Variants in EBPL observed in about 807,000 individuals in gnomAD.
EBPL encodes the protein emopamil-binding protein-like.
EBPL carries 20 observed loss-of-function variants against 19.0 expected under a neutral mutation model. That is an observed-to-expected ratio of 1.05 (90% confidence interval 0.74 to 1.53). The LOEUF (loss-of-function observed/expected upper bound fraction) is 1.53, where lower values mean the gene tolerates loss of function less well. Among genes scored for constraint, EBPL ranks in the 40% most tolerant of loss-of-function variants. The probability of loss-of-function intolerance (pLI) is 0.00; values close to 1 mark genes in which losing one functional copy is unlikely to be tolerated. For missense variants in EBPL, 219 were observed against 261.1 expected (o/e 0.84, Z 1.11); for synonymous variants, 107 against 117.0 (o/e 0.91, Z 0.55).
chr13:49,678,284 G>T lies in EBPL; in HGVS notation c.172-8438C>A, dbSNP rs966739184. Among the ~76,000 whole-genome samples the T allele has an allele frequency of 4.6e-5, 7 of 152,200 alleles. No individual in the cohort carries two copies. In the East Asian group the frequency reaches 1.4e-3, roughly 29 times the overall value. The stretch of plus-strand genomic sequence containing the variant: ...CAGCTGGCTTCCCCTAGTGGATCCC[G>T]CACCAGGGCCGTGGGCAGAGCTACC... On this transcript the variant is annotated intron_variant, in intron 1 of 3. Coordinates refer to ENST00000242827, the MANE Select transcript of EBPL (RefSeq NM_032565.5).
intron 2 of EBPL, among the ~76,000 whole-genome samples, chr13:49,667,445 C>T (rs1009025688): frequency 3.5e-4 from 53 of 152,160 alleles, no homozygotes; most frequent in Admixed American, 5.9e-4. Flanking sequence ...TTATGGCTGG[C>T]CCTGCATCCC....
Position 49,663,161 on chromosome 13 carries a change from A to C in EBPL, c.276T>G (p.Val92=), listed in dbSNP as rs781178537. Residue 92 remains valine, a synonymous_variant, in exon 3 of 4, where the codon GTT becomes GTG. Coordinates refer to ENST00000242827, the MANE Select transcript of EBPL (RefSeq NM_032565.5). ...KEYGKADARW[V]YFDPTIVSVE... ...CAGACACAATGGTTGGATCAAAATA[A>C]ACCCATCTTGCATCAGCTTTGCCAT... The C allele has an allele frequency of 1.9e-6, 3 of 1,614,208 alleles. No homozygotes were observed. The Admixed American group carries it at 5.0e-5, about 27-fold the overall frequency.
At chr13:49,686,614 A>G (rs1954001666) in intron 1 of EBPL, 1 of 1,288,458 alleles carries the variant, frequency 7.8e-7, no homozygotes, top group African/African-American at 1.5e-5. Context: ...GATATTTTAA[A>G]AGATTCTGCT....
chr13:49,689,358 T>C (rs1295789978), intron 1 of EBPL, among the ~76,000 whole-genome samples: 1 of 152,186 alleles, frequency 6.6e-6, no homozygotes, highest in Non-Finnish European at 1.5e-5. Context: ...ACATTTTTCT[T>C]TTTTTTCCCA....
intron 2 of EBPL, among the ~76,000 whole-genome samples, chr13:49,666,730 A>G (rs1324714818): frequency 6.7e-6 from 1 of 150,314 alleles, no homozygotes; most frequent in East Asian, 1.9e-4. Context: ...AAAAAAAAAA[A>G]AAAACAAAAA....
At chr13:49,678,759 G>C (rs1215457245) in intron 1 of EBPL, among the ~76,000 whole-genome samples, 1 of 152,158 alleles carries the variant, frequency 6.6e-6, no homozygotes, top group Non-Finnish European at 1.5e-5. Flanking sequence ...GGCTCCTCAA[G>C]CATGGCCAGA....
chr13:49,669,980 A>G, intron 1 of EBPL, 134 bp from the exon 2 acceptor site: 1 of 693,816 alleles, frequency 1.4e-6, no homozygotes, highest in Non-Finnish European at 2.5e-6. Context: ...GCCTGGAAAC[A>G]TCCATACAAC....
At chr13:49,683,213 GA>G (rs1953960756) in intron 1 of EBPL, among the ~76,000 whole-genome samples, 1 of 151,824 alleles carries the variant, frequency 6.6e-6, no homozygotes, top group African/African-American at 2.4e-5. Context: ...AACCTCAGGT[GA>G]TCCGCCCGCC....
chr13:49,683,138 T>G (rs1429966563), intron 1 of EBPL, among the ~76,000 whole-genome samples: 4 of 152,028 alleles, frequency 2.6e-5, no homozygotes, highest in Non-Finnish European at 5.9e-5. Context: ...CACGCCTGGC[T>G]AATTTTTTGC....
chr13:49,666,711 C>CAAAAAAAAAA (rs35086927), intron 2 of EBPL, among the ~76,000 whole-genome samples: 4 of 81,012 alleles, frequency 4.9e-5, no homozygotes, highest in Admixed American at 1.6e-4. Context: ...GACTCCGTCT[C>CAAAAAAAAAA]AAAAAAAAAA....
intron 1 of EBPL, among the ~76,000 whole-genome samples, chr13:49,676,047 T>A (rs574053510): frequency 3.4e-4 from 52 of 152,266 alleles, no homozygotes; most frequent in African/African-American, 1.3e-3. Flanking sequence ...ACCTTTGAGG[T>A]TTTTTTTAAT....
chr13:49,687,260 C>T (rs968147094), intron 1 of EBPL, among the ~76,000 whole-genome samples: 1 of 152,194 alleles, frequency 6.6e-6, no homozygotes, highest in African/African-American at 2.4e-5. Flanking sequence ...TGACTTACCA[C>T]ATTCTCCCCT....
chr13:49,666,566 G>T (rs1249245307), intron 2 of EBPL, among the ~76,000 whole-genome samples: 1 of 151,988 alleles, frequency 6.6e-6, no homozygotes, highest in Non-Finnish European at 1.5e-5. Context: ...CAAAAAATTA[G>T]CCAGGCGTGG....
chr13:49,684,982 T>C (rs1272876357), intron 1 of EBPL, among the ~76,000 whole-genome samples: 1 of 152,188 alleles, frequency 6.6e-6, no homozygotes, highest in African/African-American at 2.4e-5. Flanking sequence ...CTCAGCTCAC[T>C]GCAAACTCTG....
chr13:49,668,191 T>A (rs994929164), intron 2 of EBPL: 6 of 155,122 alleles, frequency 3.9e-5, no homozygotes, highest in African/African-American at 1.2e-4. Flanking sequence ...ATGAGCCTAC[T>A]CAATTCTCTA....
intron 2 of EBPL, chr13:49,668,621 A>G (rs562468375): frequency 1.5e-4 from 64 of 417,752 alleles, no homozygotes; most frequent in South Asian, 1.1e-3. Context: ...AAAGTTTCAG[A>G]AGCAAAACCT....
intron 1 of EBPL, among the ~76,000 whole-genome samples, chr13:49,671,282 C>T (rs189515744): frequency 2.0e-5 from 3 of 152,260 alleles, no homozygotes; most frequent in African/African-American, 4.8e-5. Context: ...GGACCACAGG[C>T]GTGTGACACC....
chr13:49,668,459 A>G, intron 2 of EBPL: 1 of 241,926 alleles, frequency 4.1e-6, no homozygotes, highest in South Asian at 3.7e-5. Context: ...CTGTAGTCCC[A>G]GCTACTCGGG....
At position 49,661,855 on chromosome 13, in the gene EBPL, G is replaced by C. The variant is rs759938138; in HGVS notation, c.381-647C>G. 8.4e-6 allele frequency: 13 copies of C among 1,550,316 alleles called. No individual in the cohort carries two copies. The South Asian group carries it at 1.5e-4, about 18-fold the overall frequency. On this transcript the variant is annotated intron_variant, in intron 3 of 3. Coordinates refer to ENST00000242827, the MANE Select transcript of EBPL (RefSeq NM_032565.5). The stretch of plus-strand genomic sequence containing the variant: ...ACAAGATGGTGGAAAATGGAATGCA[G>C]CTGTGCCTACTTGAAATTGTTTTAG...
Sources: gnomAD v4.1 joint callset for allele counts (sites outside exome capture counted in the v4.1 genomes callset) on GRCh38, gnomAD v4.1.1 for gene constraint, MANE v1.5 for transcripts, NCBI Gene and HGNC (gene_info 2026-07-23, HGNC 2026-07-21) for gene names.